BRI3BP: variants seen among roughly 807,000 people sequenced by gnomAD.
BRI3BP encodes the protein BRI3 binding protein, also known as BRI3-binding protein.
Under a neutral mutation model 15.8 loss-of-function variants are expected in BRI3BP, and 7 were observed. That is an observed-to-expected ratio of 0.44 (90% CI 0.25 to 0.83). BRI3BP has a LOEUF of 0.83. BRI3BP is among the 40% of genes least tolerant of loss of function. BRI3BP has a pLI of 0.20. For missense variants in BRI3BP, 320 were observed against 339.3 expected (o/e 0.94, Z 0.45); for synonymous variants, 192 against 163.5 (o/e 1.17, Z -1.33).
rs987132259 is a variant in BRI3BP, at chr12:124,993,740, C to T, written c.-51C>T. ...GCCCTAGCCGGAGCCCGCTGCGGCC[C>T]AGCGCACGGCCCTCACCCCGCATCG... On this transcript the variant is annotated 5_prime_UTR_variant, in exon 1 of 3. Transcript: ENST00000341446. 6.1e-5 allele frequency: 58 copies of T among 956,506 alleles called. No homozygotes were observed. The highest frequency in any genetic ancestry group is 6.8e-5 in the Non-Finnish European group (55 of 803,818). The allele number at this position is 956,506 out of a possible 1,614,324, so 59.3% of individuals were successfully genotyped here. A position where few individuals can be genotyped will look rare whatever the true frequency, so the allele number is the denominator to read the frequency against.
intron 2 of BRI3BP, among the ~76,000 whole-genome samples, chr12:125,022,541 A>ATTTTTTTTTTTTT (rs770844998): frequency 1.4e-5 from 2 of 139,430 alleles, no homozygotes; most frequent in African/African-American, 2.9e-5. Flanking sequence ...TTATTTATTT[A>ATTTTTTTTTTTTT]TTTTTTGAGA....
intron 2 of BRI3BP, among the ~76,000 whole-genome samples, chr12:125,015,350 CAG>C (rs140244018): frequency 0.017 from 2,582 of 152,124 alleles, 61 homozygotes; most frequent in African/African-American, 0.057. Context: ...AAATGAGAAA[CAG>C]GGACTGGAGG....
chr12:124,999,885 G>T (rs1955071303), intron 1 of BRI3BP, among the ~76,000 whole-genome samples: 1 of 149,068 alleles, frequency 6.7e-6, no homozygotes, highest in Non-Finnish European at 1.5e-5. Context: ...CTCCCAAAGT[G>T]CTGGGATTAC....
At chr12:125,034,665 G>T (rs550826231), downstream of BRI3BP, among the ~76,000 whole-genome samples, 1 of 151,570 alleles carries the variant, frequency 6.6e-6, no homozygotes, top group African/African-American at 2.4e-5. Context: ...TCTTGGCTCA[G>T]TGCAACCTCT....
At chr12:125,039,652 G>GT in the BRI3BP span, among the ~76,000 whole-genome samples, 1 of 102,240 alleles carries the variant, frequency 9.8e-6, no homozygotes, top group Non-Finnish European at 2.4e-5. Context: ...TATTCCAATA[G>GT]GGTTTTTTTT....
downstream of BRI3BP, among the ~76,000 whole-genome samples, chr12:125,036,040 ATCT>A: frequency 7.1e-6 from 1 of 140,258 alleles, no homozygotes; most frequent in East Asian, 2.2e-4. Context: ...AAAATGAGTA[ATCT>A]ATAGTTTTTT....
the BRI3BP span, among the ~76,000 whole-genome samples, chr12:125,045,252 A>T: frequency 6.6e-6 from 1 of 152,242 alleles, no homozygotes; most frequent in African/African-American, 2.4e-5. Flanking sequence ...TTTGCGTAAG[A>T]AATGGAACCT....
At chr12:124,995,638 T>A (rs753636752) in intron 1 of BRI3BP, among the ~76,000 whole-genome samples, 23 of 152,320 alleles carry the variant, frequency 1.5e-4, no homozygotes, top group Non-Finnish European at 3.1e-4. Context: ...ATACTAATGA[T>A]TACTAAGTGC....
intron 2 of BRI3BP, among the ~76,000 whole-genome samples, chr12:125,024,381 GCA>G (rs887736274): frequency 6.6e-6 from 1 of 151,984 alleles, no homozygotes; most frequent in African/African-American, 2.4e-5. Flanking sequence ...TTGTGTGGGA[GCA>G]CAGAGCCAGT....
In BRI3BP at chr12:125,026,778, C is replaced by A. The variant is rs1346319780; in HGVS notation, c.*1348C>A. 1.3e-5 allele frequency: 2 copies of A among 151,848 alleles called. No homozygotes were observed. The highest frequency in any genetic ancestry group is 2.9e-5 in the Non-Finnish European group (2 of 68,008). The allele number at this position is 151,848 out of a possible 1,614,324, so 9.4% of individuals were successfully genotyped here. A position where few individuals can be genotyped will look rare whatever the true frequency, so the allele number is the denominator to read the frequency against. The stretch of plus-strand genomic sequence containing the variant: ...ACCAGCCTGGCCAACATGGTGAAAC[C>A]CCCGTCTCTACTAAAAATACAAAAA... On this transcript the variant is annotated 3_prime_UTR_variant, in exon 3 of 3. Coordinates refer to ENST00000341446, the MANE Select transcript of BRI3BP (RefSeq NM_080626.6).
intron 2 of BRI3BP, among the ~76,000 whole-genome samples, chr12:125,023,631 C>G (rs547953510): frequency 1.3e-5 from 2 of 152,310 alleles, no homozygotes; most frequent in East Asian, 3.9e-4. Context: ...ACTGCAGCCT[C>G]TACCTCCCAG....
chr12:124,998,217 G>A (rs76465018), intron 1 of BRI3BP, among the ~76,000 whole-genome samples: 5 of 152,250 alleles, frequency 3.3e-5, no homozygotes, highest in Admixed American at 1.3e-4. Flanking sequence ...GATTGAGCCC[G>A]GGAGGCTGAC....
At chr12:125,040,604 A>T in the BRI3BP span, among the ~76,000 whole-genome samples, 2 of 151,898 alleles carry the variant, frequency 1.3e-5, no homozygotes, top group African/African-American at 4.8e-5. Flanking sequence ...TGGCCTCCCA[A>T]AGTGCTAGTA....
chr12:124,993,752 C>T lies in BRI3BP; in HGVS notation c.-39C>T, dbSNP rs1955015206. On this transcript the variant is annotated 5_prime_UTR_variant, in exon 1 of 3. Transcript: ENST00000341446. ...GCCCGCTGCGGCCCAGCGCACGGCC[C>T]TCACCCCGCATCGCGACCCCGCGCC... 1 of 985,782 alleles carries T rather than the reference C, an allele frequency of 1.0e-6. No homozygotes were observed. Among genetic ancestry groups the T allele is most frequent in the African/African-American group, 1.8e-5 (1 of 56,628 alleles). 61.1% of individuals were successfully genotyped at this position (985,782 alleles called of 1,614,324 possible).
chr12:125,010,903 G>A (rs964893030), intron 1 of BRI3BP, among the ~76,000 whole-genome samples: 3 of 152,086 alleles, frequency 2.0e-5, no homozygotes, highest in Non-Finnish European at 4.4e-5. Context: ...AGACCAGCCT[G>A]GCCAACATGG....
the BRI3BP span, among the ~76,000 whole-genome samples, chr12:125,050,598 G>A: frequency 1.3e-5 from 2 of 152,208 alleles, no homozygotes; most frequent in African/African-American, 4.8e-5. Flanking sequence ...GCCCTGCCTC[G>A]TGCTAGGCGT....
At chr12:125,023,663 C>G (rs895728770) in intron 2 of BRI3BP, among the ~76,000 whole-genome samples, 1 of 152,212 alleles carries the variant, frequency 6.6e-6, no homozygotes, top group African/African-American at 2.4e-5. Flanking sequence ...CCTCCCACCT[C>G]AGCCTCCTGA....
the BRI3BP span, among the ~76,000 whole-genome samples, chr12:125,046,061 A>T: frequency 1.3e-4 from 20 of 152,108 alleles, no homozygotes; most frequent in Admixed American, 1.3e-3. Flanking sequence ...GCTACTTGGG[A>T]GGCTGAGGCA....
chr12:125,029,566 A>ATATATACACACACATATATATATG lies in BRI3BP; in HGVS notation c.*4137_*4138insATATACACACACATATATATATGT, dbSNP rs1220185208. On this transcript the variant is annotated 3_prime_UTR_variant, in exon 3 of 3. Coordinates refer to ENST00000341446, the MANE Select transcript of BRI3BP (RefSeq NM_080626.6). Reference sequence around the variant, plus strand: ...AAAAAGTGTGTGTGTGTGTATATATATGTATATATATATACACACACACAC... The same window carrying ATATATACACACACATATATATATG: ...AAAAAGTGTGTGTGTGTGTATATATATATATACACACACATATATATATGTGTATATATATATACACACACACAC... The ATATATACACACACATATATATATG allele has an allele frequency of 7.1e-6, 1 of 141,394 alleles. No homozygotes were observed. The highest frequency in any genetic ancestry group is 2.0e-4 in the East Asian group (1 of 5,006). 8.8% of individuals were successfully genotyped at this position (141,394 alleles called of 1,614,324 possible).
Sources: allele counts gnomAD v4.1 joint callset (sites outside exome capture counted in the v4.1 genomes callset), GRCh38; gene constraint gnomAD v4.1.1; transcripts MANE v1.5; gene names NCBI Gene and HGNC (gene_info 2026-07-23, HGNC 2026-07-21).